Variants in PMEPA1 observed in about 807,000 individuals in gnomAD.
PMEPA1 encodes prostate transmembrane protein, androgen induced 1.
PMEPA1 carries 11 observed loss-of-function variants against 23.0 expected under a neutral mutation model. The observed-to-expected ratio is 0.48, with a 90% CI of 0.30 to 0.79. PMEPA1 has a LOEUF of 0.79. Among genes scored for constraint, PMEPA1 ranks in the 30% least tolerant of loss-of-function variants. The pLI, the probability that PMEPA1 is intolerant of heterozygous loss-of-function variation, is 0.06. For synonymous variants in PMEPA1, 204 were observed against 166.4 expected (o/e 1.23, Z -1.74); for missense variants, 377 against 390.9 (o/e 0.96, Z 0.30).
chr20:57,701,015 G>A (rs1042095443), intron 1 of PMEPA1, among the ~76,000 whole-genome samples: 5 of 150,242 alleles, frequency 3.3e-5, no homozygotes, highest in Admixed American at 3.3e-4. Context: ...GGGTGACAGA[G>A]CAAGACTCCA....
chr20:57,697,502 T>C (rs1213681721), intron 1 of PMEPA1, among the ~76,000 whole-genome samples: 1 of 152,180 alleles, frequency 6.6e-6, no homozygotes, highest in Admixed American at 6.5e-5. Flanking sequence ...CTGGCAAATT[T>C]CTCCTCCAGT....
intron 2 of PMEPA1, 128 bp downstream of exon 2, chr20:57,659,415 C>T (rs1454318076): frequency 5.7e-6 from 6 of 1,050,206 alleles, no homozygotes; most frequent in Non-Finnish European, 8.2e-6. Flanking sequence ...AGGTGGGCTC[C>T]CCAGCCCCTG....
At chr20:57,693,809 T>TGTG in intron 1 of PMEPA1, among the ~76,000 whole-genome samples, 1 of 152,046 alleles carries the variant, frequency 6.6e-6, no homozygotes, top group Non-Finnish European at 1.5e-5. Flanking sequence ...ATACAGACAC[T>TGTG]CTGAGTCTCA....
Position 57,683,552 on chromosome 20 carries a change from TGC to T in PMEPA1, c.110-23857_110-23856del, listed in dbSNP as rs1491399504. Among the ~76,000 whole-genome samples the T allele has an allele frequency of 7.4e-5, 8 of 108,004 alleles. No individual in the cohort carries two copies. The highest frequency in any genetic ancestry group is 3.0e-4 in the East Asian group (1 of 3,342). The allele number at this position is 108,004 out of a possible 152,430, so 70.9% of individuals were successfully genotyped here. A position where few individuals can be genotyped will look rare whatever the true frequency, so the allele number is the denominator to read the frequency against. ...CTCGGTGGTGGTGTTCTGGCCTGTG[TGC>T]GTGTGTGTGTGTGTGTGTGTGTGTG... On this transcript the variant is annotated intron_variant, in intron 1 of 3. Coordinates refer to ENST00000341744, the MANE Select transcript of PMEPA1 (RefSeq NM_020182.5). The surrounding 1 kb of genome is among the most constrained non-coding windows in gnomAD (Gnocchi z 4.3).
At chr20:57,692,868 G>C (rs146976610) in intron 1 of PMEPA1, among the ~76,000 whole-genome samples, 50 of 152,368 alleles carry the variant, frequency 3.3e-4, no homozygotes, top group East Asian at 2.3e-3. Context: ...CCTAAGTGCT[G>C]CTGGTAATAG....
At chr20:57,661,240 C>T (rs976383519) in intron 1 of PMEPA1, among the ~76,000 whole-genome samples, 11 of 152,226 alleles carry the variant, frequency 7.2e-5, no homozygotes, top group Admixed American at 2.0e-4. Context: ...CTGAGCCGGG[C>T]AGTTTCTGCT....
intron 1 of PMEPA1, among the ~76,000 whole-genome samples, chr20:57,693,491 G>A (rs1227129449): frequency 6.6e-6 from 1 of 152,202 alleles, no homozygotes; most frequent in African/African-American, 2.4e-5. Context: ...AGTAAAAGTC[G>A]AAGGTGGGGG....
chr20:57,665,758 A>G (rs2071483549), intron 1 of PMEPA1, among the ~76,000 whole-genome samples: 1 of 152,172 alleles, frequency 6.6e-6, no homozygotes, highest in Admixed American at 6.5e-5. Flanking sequence ...GGGAGATTTG[A>G]GCTCAAGTCA....
chr20:57,659,299 C>A (rs535408243), intron 2 of PMEPA1, among the ~76,000 whole-genome samples: 1 of 152,206 alleles, frequency 6.6e-6, no homozygotes, highest in Non-Finnish European at 1.5e-5. Flanking sequence ...GAGTGGATCA[C>A]GAAGCCTCTT....
Position 57,656,158 on chromosome 20 carries a change from C to T in PMEPA1, c.265-3072G>A, listed in dbSNP as rs2071323826. On this transcript the variant is annotated intron_variant, in intron 2 of 3. Transcript: ENST00000341744. This position sits in a 1 kb window ranked among gnomAD's most constrained non-coding sequence, Gnocchi z 4.7. ...TGTTTCTAAAGAATAAAGAGATGTT[C>T]CTAAAAAATTCGGTACCTCCCATGT... 6.6e-6 allele frequency among the ~76,000 whole-genome samples: 1 copy of T among 151,084 alleles called. No homozygotes were observed. The highest frequency in any genetic ancestry group is 2.1e-4 in the South Asian group (1 of 4,780).
upstream of PMEPA1, chr20:57,710,593 C>T: frequency 1.1e-6 from 1 of 922,798 alleles, no homozygotes; most frequent in South Asian, 1.7e-5. Flanking sequence ...CTCGCGTAGA[C>T]ACGCCCGGAA....
intron 1 of PMEPA1, among the ~76,000 whole-genome samples, chr20:57,672,719 G>A (rs1317821014): frequency 6.6e-6 from 1 of 152,194 alleles, no homozygotes; most frequent in Non-Finnish European, 1.5e-5. Flanking sequence ...AGCAGTGAGG[G>A]TCTGGGCAGG....
intron 1 of PMEPA1, chr20:57,690,506 TG>T: frequency 7.7e-7 from 1 of 1,300,070 alleles, no homozygotes; most frequent in Non-Finnish European, 1.0e-6. Flanking sequence ...AGAAGAGCCA[TG>T]CTATTTTTAT....
upstream of PMEPA1, chr20:57,710,415 A>T: frequency 6.3e-7 from 1 of 1,593,198 alleles, no homozygotes; most frequent in South Asian, 1.1e-5. Flanking sequence ...GGGCTCAGGG[A>T]AGAGAAATTG....
intron 2 of PMEPA1, among the ~76,000 whole-genome samples, chr20:57,653,323 C>G (rs1244327194): frequency 6.6e-6 from 1 of 152,192 alleles, no homozygotes; most frequent in Admixed American, 6.5e-5. Context: ...GAAAATCCAG[C>G]CTGACACTTT....
chr20:57,673,513 C>T (rs1005470157), intron 1 of PMEPA1, among the ~76,000 whole-genome samples: 1 of 152,208 alleles, frequency 6.6e-6, no homozygotes, highest in Non-Finnish European at 1.5e-5. Flanking sequence ...GGCATGAGCC[C>T]GGCATGCAGG....
chr20:57,687,168 C>T (rs982610500), intron 1 of PMEPA1, among the ~76,000 whole-genome samples: 20 of 152,346 alleles, frequency 1.3e-4, no homozygotes, highest in African/African-American at 2.9e-4. Flanking sequence ...TCTGCCAACG[C>T]GGAGGAATGA....
At chr20:57,679,166 G>T (rs2071677814) in intron 1 of PMEPA1, among the ~76,000 whole-genome samples, 2 of 152,166 alleles carry the variant, frequency 1.3e-5, no homozygotes, top group Non-Finnish European at 2.9e-5. Flanking sequence ...TTTCGGAGGA[G>T]GTGGCTTTTC....
At chr20:57,668,284 C>T (rs1266051782) in intron 1 of PMEPA1, among the ~76,000 whole-genome samples, 1 of 152,224 alleles carries the variant, frequency 6.6e-6, no homozygotes, top group African/African-American at 2.4e-5. Flanking sequence ...TAGAGGTTAA[C>T]AGCATGCAGC....
Sources: allele counts gnomAD v4.1 joint callset (sites outside exome capture counted in the v4.1 genomes callset), GRCh38; gene constraint gnomAD v4.1.1; non-coding constraint Gnocchi (gnomAD v3.1); transcripts MANE v1.5; gene names NCBI Gene and HGNC (gene_info 2026-07-23, HGNC 2026-07-21).